Variants in TENM2 observed in about 807,000 individuals in gnomAD.
The protein encoded by TENM2 is teneurin-2.
Under a neutral mutation model 245.2 loss-of-function variants are expected in TENM2, and 52 were observed. The ratio of observed to expected loss-of-function variants is 0.21; its 90% confidence interval spans 0.17 to 0.27. The LOEUF (loss-of-function observed/expected upper bound fraction) is 0.27, where lower values mean the gene tolerates loss of function less well. TENM2 is among the 10% of genes least tolerant of loss of function. The probability of loss-of-function intolerance (pLI) is 1.00; values close to 1 mark genes in which losing one functional copy is unlikely to be tolerated. For missense variants in TENM2, 3,046 were observed against 3,666.8 expected (o/e 0.83, Z 4.37); for synonymous variants, 1,363 against 1,438.9 (o/e 0.95, Z 1.19).
chr5:167,073,891 T>A, the TENM2 span, among the ~76,000 whole-genome samples: 4 of 152,344 alleles, frequency 2.6e-5, no homozygotes, highest in East Asian at 7.7e-4. Flanking sequence ...TTTCTGCTTT[T>A]ATGGTCCCTG....
intron 14 of TENM2, chr5:168,190,823 A>G: frequency 3.3e-6 from 1 of 303,442 alleles, no homozygotes; most frequent in Non-Finnish European, 6.1e-6. Flanking sequence ...CATTTTTAAA[A>G]TCTGTTATTT....
Position 168,248,136 on chromosome 5 carries a change from T to C in TENM2, c.7197T>C (p.Tyr2399=), listed in dbSNP as rs200697560. ...ACACGGCCTATGGGGAGATTTATTA[T>C]GACTCCAACCCCGACTTCCAGATGG... Residue 2399 remains tyrosine (Y), a synonymous_variant, in exon 27 of 29, where the codon TAT becomes TAC. Coordinates refer to ENST00000518659, the Ensembl canonical transcript of TENM2. 2.7e-4 allele frequency: 430 copies of C among 1,614,000 alleles called. 2 individuals are homozygous for C. In the Middle Eastern group the frequency reaches 3.0e-3, roughly 11 times the overall value.
the TENM2 span, among the ~76,000 whole-genome samples, chr5:167,177,250 C>T: frequency 6.6e-6 from 1 of 151,910 alleles, no homozygotes; most frequent in African/African-American, 2.4e-5. Flanking sequence ...TGTAGTACAG[C>T]ATTATTTGAG....
chr5:167,905,028 A>G (rs1287929641), intron 3 of TENM2, among the ~76,000 whole-genome samples: 1 of 152,202 alleles, frequency 6.6e-6, no homozygotes, highest in Non-Finnish European at 1.5e-5. Context: ...GGATATGGTT[A>G]TAGGATAGTC....
intron 10 of TENM2, among the ~76,000 whole-genome samples, chr5:168,118,720 T>C (rs1581364951): frequency 6.6e-6 from 1 of 152,238 alleles, no homozygotes; most frequent in African/African-American, 2.4e-5. Context: ...TTGTAGAAAT[T>C]GATTCCTTTT....
At chr5:168,028,799 CAAAAAAAA>C (rs34319215) in intron 5 of TENM2, among the ~76,000 whole-genome samples, 1 of 122,118 alleles carries the variant, frequency 8.2e-6, no homozygotes, top group Non-Finnish European at 1.8e-5. Context: ...TAGCAACTGT[CAAAAAAAA>C]AAAAAAAAAA....
chr5:168,008,738 T>A (rs982132612), intron 5 of TENM2, among the ~76,000 whole-genome samples: 3 of 152,208 alleles, frequency 2.0e-5, no homozygotes, highest in African/African-American at 4.8e-5. Context: ...CCTTAAGGTT[T>A]CTCTGTTGTC....
intron 26 of TENM2, among the ~76,000 whole-genome samples, chr5:168,245,992 G>T (rs1279091020): frequency 6.6e-6 from 1 of 151,906 alleles, no homozygotes; most frequent in Non-Finnish European, 1.5e-5. Context: ...CAGCTCTTTG[G>T]GAGGCCGAGG....
intron 5 of TENM2, among the ~76,000 whole-genome samples, chr5:168,002,910 T>G (rs1784517419): frequency 6.6e-6 from 1 of 152,212 alleles, no homozygotes; most frequent in Non-Finnish European, 1.5e-5. Context: ...ATATTTTTAC[T>G]TGAAATTTTT....
At chr5:168,142,104 C>A (rs532221988) in intron 12 of TENM2, among the ~76,000 whole-genome samples, 4 of 152,204 alleles carry the variant, frequency 2.6e-5, no homozygotes, top group Admixed American at 2.6e-4. Flanking sequence ...CATTCAAGCC[C>A]ACCAGGCTGA....
chr5:168,102,882 TA>T (rs1258310363), intron 9 of TENM2, among the ~76,000 whole-genome samples: 5 of 152,248 alleles, frequency 3.3e-5, no homozygotes, highest in Non-Finnish European at 7.3e-5. Context: ...AGGTAAATTC[TA>T]TTTTTTTTAA....
chr5:167,781,830 A>G (rs1486754609), intron 2 of TENM2, among the ~76,000 whole-genome samples: 1 of 151,888 alleles, frequency 6.6e-6, no homozygotes, highest in Non-Finnish European at 1.5e-5. Flanking sequence ...CAGTCTGGAC[A>G]ACATGACAAA....
chr5:167,915,919 A>G (rs1269391547), intron 3 of TENM2, among the ~76,000 whole-genome samples: 4 of 152,206 alleles, frequency 2.6e-5, no homozygotes, highest in African/African-American at 7.2e-5. Flanking sequence ...CAATAGGTAT[A>G]TTTGATTATC....
rs1349709668 is a variant in TENM2 at position 167,398,173 on chromosome 5, A to G, written c.502+22700A>G. Among the ~76,000 whole-genome samples, 5 of 152,270 alleles carry G rather than the reference A, an allele frequency of 3.3e-5. No individual in the cohort carries two copies. The East Asian group carries it at 9.7e-4, about 29-fold the overall frequency. On this transcript the variant is annotated intron_variant, in intron 2 of 28. Coordinates refer to ENST00000518659, the Ensembl canonical transcript of TENM2. The stretch of plus-strand genomic sequence containing the variant: ...TATCATAATTTTTGATATGAAGACA[A>G]TCGAGGCTATAGTGCAGAAATTTTG...
At chr5:168,003,864 A>G (rs1206685100) in intron 5 of TENM2, among the ~76,000 whole-genome samples, 4 of 152,224 alleles carry the variant, frequency 2.6e-5, no homozygotes, top group African/African-American at 9.6e-5. Context: ...TCGAACATCA[A>G]TCTATATTTC....
At chr5:167,517,348 A>C (rs1329369956) in intron 2 of TENM2, among the ~76,000 whole-genome samples, 1 of 152,170 alleles carries the variant, frequency 6.6e-6, no homozygotes. Context: ...TCTTTTCTTT[A>C]AAGTTTGGGC....
At chr5:167,451,641 A>G (rs35698186) in intron 2 of TENM2, among the ~76,000 whole-genome samples, 21,132 of 148,966 alleles carry the variant, frequency 0.14, 1,608 homozygotes, top group East Asian at 0.27. Context: ...GATGCCCTAT[A>G]GCAACTGATT....
intron 1 of TENM2, among the ~76,000 whole-genome samples, chr5:167,340,961 G>A (rs1183728901): frequency 6.6e-6 from 1 of 152,018 alleles, no homozygotes; most frequent in Non-Finnish European, 1.5e-5. Flanking sequence ...GAGCTTGCTC[G>A]GCTGTCATGC....
At chr5:167,038,239 A>G in the TENM2 span, among the ~76,000 whole-genome samples, 112 of 152,334 alleles carry the variant, frequency 7.4e-4, no homozygotes, top group Non-Finnish European at 1.3e-3. Flanking sequence ...AAAGGACTCC[A>G]TGGCTAGGTT....
Sources: allele counts gnomAD v4.1 joint callset (sites outside exome capture counted in the v4.1 genomes callset), GRCh38; gene constraint gnomAD v4.1.1; transcripts MANE v1.5; gene names NCBI Gene and HGNC (gene_info 2026-07-23, HGNC 2026-07-21).